The following BTF3L4 variants were observed in gnomAD, a reference collection of about 807,000 sequenced individuals.
BTF3L4 encodes transcription factor BTF3 homolog 4.
Under a neutral mutation model 16.8 loss-of-function variants are expected in BTF3L4, and 6 were observed. The ratio of observed to expected loss-of-function variants is 0.36; its 90% CI spans 0.20 to 0.71. BTF3L4 has a LOEUF of 0.71. Ranked by LOEUF, BTF3L4 falls within the 30% of genes least tolerant of loss-of-function variation. BTF3L4 has a pLI of 0.58. For synonymous variants in BTF3L4, 39 were observed against 59.8 expected (o/e 0.65, Z 1.60); for missense variants, 92 against 186.9 (o/e 0.49, Z 2.96).
chr1:52,065,871 CT>C (rs1311853588), intron 3 of BTF3L4, among the ~76,000 whole-genome samples: 1 of 151,998 alleles, frequency 6.6e-6, no homozygotes, highest in Non-Finnish European at 1.5e-5. Flanking sequence ...AACCCTGTCT[CT>C]ACTAAAAATA....
At position 52,066,671 on chromosome 1, in the gene BTF3L4, G is replaced by A. The variant is rs556974373; in HGVS notation, c.168+1733G>A. Among the ~76,000 whole-genome samples the A allele has an allele frequency of 4.9e-3, 739 of 150,306 alleles. 4 individuals are homozygous for A. The highest frequency in any genetic ancestry group is 0.017 in the African/African-American group (694 of 41,038). ...ATCCTGGCTAACACGGTGAAACCCC[G>A]TCTCTACTAAAAATTAAAAAAAAAA... On this transcript the variant is annotated intron_variant, in intron 3 of 5. Coordinates refer to ENST00000313334, the MANE Select transcript of BTF3L4 (RefSeq NM_152265.5).
chr1:52,089,984 A>G lies in BTF3L4; in HGVS notation c.*3226A>G, dbSNP rs564549452. On this transcript the variant is annotated 3_prime_UTR_variant, in exon 6 of 6. Coordinates refer to ENST00000313334, the MANE Select transcript of BTF3L4 (RefSeq NM_152265.5). ...TTAACCCTAGGTATGCTACATACCC[A>G]TAAATAAGATACCATGGTAAGAGAT... is the stretch of plus-strand genomic sequence containing the variant. 1 of 152,212 alleles carries G rather than the reference A, an allele frequency of 6.6e-6. No homozygotes were observed. The highest frequency in any genetic ancestry group is 1.5e-5 in the Non-Finnish European group (1 of 68,042). The allele number at this position is 152,212 out of a possible 1,614,324, so 9.4% of individuals were successfully genotyped here.
intron 3 of BTF3L4, among the ~76,000 whole-genome samples, chr1:52,076,248 C>G (rs922892661): frequency 6.6e-6 from 1 of 151,898 alleles, no homozygotes; most frequent in African/African-American, 2.4e-5. Context: ...TGCATTCCAG[C>G]CTGGGTGACA....
intron 3 of BTF3L4, among the ~76,000 whole-genome samples, chr1:52,070,102 A>G (rs570774710): frequency 1.3e-5 from 2 of 152,140 alleles, no homozygotes; most frequent in East Asian, 3.9e-4. Context: ...CTGTAATCCT[A>G]GCTACTCAGG....
In BTF3L4 at chr1:52,086,050, AT is replaced by A. The variant is rs982266323; in HGVS notation, c.371-60del. The A allele has an allele frequency of 2.0e-5, 23 of 1,162,852 alleles. 1 individual carries two copies. The South Asian group carries it at 2.5e-4, about 13-fold the overall frequency. 72.0% of individuals were successfully genotyped at this position (1,162,852 alleles called of 1,614,324 possible). On this transcript the variant is annotated intron_variant, in intron 4 of 5. Transcript: ENST00000313334. ...TTTATACAGGAAAAAAGGGATAAAC[AT>A]TATAAGTTTTCTTTAAGGTCTTTGT...
In BTF3L4 at chr1:52,088,833, A is replaced by G. The variant is rs750762497; in HGVS notation, c.*2075A>G. On this transcript the variant is annotated 3_prime_UTR_variant, in exon 6 of 6. Coordinates refer to ENST00000313334, the MANE Select transcript of BTF3L4 (RefSeq NM_152265.5). Reference sequence around the variant, plus strand: ...CTCTTGTTGTCCAGGCCGAACTGCAATGTTGTGGTCTCGGCTGACTGCAAC... The same window carrying G: ...CTCTTGTTGTCCAGGCCGAACTGCAGTGTTGTGGTCTCGGCTGACTGCAAC... 1 of 151,462 alleles carries G rather than the reference A, an allele frequency of 6.6e-6. No individual in the cohort carries two copies. Among genetic ancestry groups the G allele is most frequent in the Non-Finnish European group, 1.5e-5 (1 of 67,970 alleles). The allele number at this position is 151,462 out of a possible 1,614,324, so 9.4% of individuals were successfully genotyped here.
At chr1:52,085,318 TTTG>T (rs34625670) in intron 4 of BTF3L4, among the ~76,000 whole-genome samples, 142,132 of 147,970 alleles carry the variant, frequency 0.96, 68,283 homozygotes, top group East Asian at 1. Context: ...TGTGCCCAGC[TTTG>T]TTGTTGTTGT....
intron 4 of BTF3L4, among the ~76,000 whole-genome samples, chr1:52,085,055 C>G (rs936803740): frequency 9.6e-6 from 1 of 104,278 alleles, no homozygotes; most frequent in African/African-American, 3.7e-5. Flanking sequence ...GAGTCTTGCT[C>G]TGTTGCCCAG....
chr1:52,080,216 G>C (rs1462384179), intron 3 of BTF3L4, among the ~76,000 whole-genome samples: 2 of 152,096 alleles, frequency 1.3e-5, no homozygotes, highest in Non-Finnish European at 1.5e-5. Flanking sequence ...GAATGATTTA[G>C]TAGGAAGGAA....
At position 52,089,009 on chromosome 1, in the gene BTF3L4, C is replaced by T. The variant is rs1643996630; in HGVS notation, c.*2251C>T. 1 of 151,404 alleles carries T rather than the reference C, an allele frequency of 6.6e-6. No homozygotes were observed. The highest frequency in any genetic ancestry group is 2.4e-5 in the African/African-American group (1 of 41,036). The allele number at this position is 151,404 out of a possible 1,614,324, so 9.4% of individuals were successfully genotyped here. On this transcript the variant is annotated 3_prime_UTR_variant, in exon 6 of 6. Coordinates refer to ENST00000313334, the MANE Select transcript of BTF3L4 (RefSeq NM_152265.5). ...TCCTGTCCTCAGGTGATTCATTTGC[C>T]TCGGCCTCCCAAAGTGCTAGGATTA...
At chr1:52,079,488 T>C (rs1179799380) in intron 3 of BTF3L4, among the ~76,000 whole-genome samples, 1 of 152,146 alleles carries the variant, frequency 6.6e-6, no homozygotes, top group Non-Finnish European at 1.5e-5. Context: ...ACCTTTCTAT[T>C]CCTGAAGCTG....
At chr1:52,073,689 C>CAAAAA (rs57529132) in intron 3 of BTF3L4, among the ~76,000 whole-genome samples, 1 of 67,646 alleles carries the variant, frequency 1.5e-5, no homozygotes, top group Non-Finnish European at 2.4e-5. Context: ...GCTGTCTCTA[C>CAAAAA]AAAAAAAAAA....
At chr1:52,061,564 C>A (rs1572019848) in intron 2 of BTF3L4, among the ~76,000 whole-genome samples, 1 of 148,864 alleles carries the variant, frequency 6.7e-6, no homozygotes, top group Middle Eastern at 3.2e-3. Flanking sequence ...TCCATACTTG[C>A]AAAGGCACAT....
intron 2 of BTF3L4, among the ~76,000 whole-genome samples, chr1:52,061,556 C>T (rs937030422): frequency 3.3e-5 from 5 of 150,644 alleles, no homozygotes; most frequent in African/African-American, 1.2e-4. Flanking sequence ...TTGTCATTTC[C>T]ATACTTGCAA....
At chr1:52,075,460 T>C (rs1686906096) in intron 3 of BTF3L4, among the ~76,000 whole-genome samples, 1 of 149,016 alleles carries the variant, frequency 6.7e-6, no homozygotes, top group Non-Finnish European at 1.5e-5. Flanking sequence ...AGGCAGAGGT[T>C]GCAGTGGGCC....
At chr1:52,060,008 G>A in intron 2 of BTF3L4, 107 bp downstream of exon 2, 1 of 1,045,668 alleles carries the variant, frequency 9.6e-7, no homozygotes, top group Non-Finnish European at 1.4e-6. Flanking sequence ...CAATAATCAA[G>A]ATCAAACCAC....
At chr1:52,070,721 A>G (rs1225294489) in intron 3 of BTF3L4, among the ~76,000 whole-genome samples, 2 of 145,114 alleles carry the variant, frequency 1.4e-5, no homozygotes, top group East Asian at 4.2e-4. Context: ...ACTGCAACCT[A>G]CTGCCTCCTG....
At chr1:52,061,745 A>G (rs1433231551) in intron 2 of BTF3L4, among the ~76,000 whole-genome samples, 1 of 146,060 alleles carries the variant, frequency 6.8e-6, no homozygotes, top group African/African-American at 2.5e-5. Flanking sequence ...GATTCAGGCA[A>G]TTCTCCTGCC....
chr1:52,090,335 C>G lies in BTF3L4; in HGVS notation c.*3577C>G, dbSNP rs1217303960. On this transcript the variant is annotated 3_prime_UTR_variant, in exon 6 of 6. Coordinates refer to ENST00000313334, the MANE Select transcript of BTF3L4 (RefSeq NM_152265.5). ...AAGCGTGTTATCTCCTAAGCTATGG[C>G]TTAGATTTTCCGAAGCTCATGGTTC... The G allele has an allele frequency of 6.6e-6, 1 of 152,158 alleles. No homozygotes were observed. Among genetic ancestry groups the G allele is most frequent in the East Asian group, 1.9e-4 (1 of 5,204 alleles). 9.4% of individuals were successfully genotyped at this position (152,158 alleles called of 1,614,324 possible). A position where few individuals can be genotyped will look rare whatever the true frequency, so the allele number is the denominator to read the frequency against.
Sources: allele counts gnomAD v4.1 joint callset (sites outside exome capture counted in the v4.1 genomes callset), GRCh38; gene constraint gnomAD v4.1.1; transcripts MANE v1.5; gene names NCBI Gene and HGNC (gene_info 2026-07-23, HGNC 2026-07-21).